MTDH: variants seen among roughly 807,000 people sequenced by gnomAD.
The protein encoded by MTDH is protein LYRIC.
In MTDH, 34 loss-of-function variants were observed where a neutral mutation model predicts 72.7. The ratio of observed to expected loss-of-function variants is 0.47; its 90% CI spans 0.36 to 0.62. The LOEUF (loss-of-function observed/expected upper bound fraction) is 0.62, where lower values mean the gene tolerates loss of function less well. MTDH is among the 20% of genes least tolerant of loss of function. The pLI is 0.00. For missense variants in MTDH, 677 were observed against 699.4 expected (o/e 0.97, Z 0.36); for synonymous variants, 266 against 268.9 (o/e 0.99, Z 0.10).
chr8:97,673,370 A>T (rs1420577858), intron 2 of MTDH, among the ~76,000 whole-genome samples: 2 of 152,090 alleles, frequency 1.3e-5, no homozygotes, highest in African/African-American at 4.8e-5. Flanking sequence ...AAAAATTTTT[A>T]AATTTAGGCC....
At chr8:97,704,462 G>A (rs1345821331) in intron 7 of MTDH, among the ~76,000 whole-genome samples, 1 of 152,052 alleles carries the variant, frequency 6.6e-6, no homozygotes, top group Admixed American at 6.6e-5. Flanking sequence ...TTAAAAATTA[G>A]CCAGGCATGG....
At chr8:97,684,825 T>G (rs1205878663) in intron 2 of MTDH, among the ~76,000 whole-genome samples, 1 of 152,208 alleles carries the variant, frequency 6.6e-6, no homozygotes, top group Non-Finnish European at 1.5e-5. Context: ...ATCCCAACAC[T>G]TTGGGAGGCC....
intron 10 of MTDH, 112 bp downstream of exon 10, chr8:97,719,301 T>C (rs1283947160): frequency 1.8e-6 from 2 of 1,094,012 alleles, no homozygotes; most frequent in Non-Finnish European, 2.6e-6. Context: ...AAGAGCAGCC[T>C]GGCCAACATA....
chr8:97,698,951 C>T (rs1813987451), intron 6 of MTDH, among the ~76,000 whole-genome samples: 1 of 151,928 alleles, frequency 6.6e-6, no homozygotes, highest in South Asian at 2.1e-4. Context: ...CCAGCCTGGG[C>T]AACACAGGGA....
At chr8:97,674,433 G>T (rs1812762149) in intron 2 of MTDH, among the ~76,000 whole-genome samples, 1 of 152,144 alleles carries the variant, frequency 6.6e-6, no homozygotes, top group Admixed American at 6.6e-5. Context: ...AGAACTGCTG[G>T]TATAGGCAAA....
At chr8:97,660,880 A>ATT in intron 1 of MTDH, among the ~76,000 whole-genome samples, 192 bp from the exon 2 acceptor site, 1 of 141,142 alleles carries the variant, frequency 7.1e-6, no homozygotes, top group Non-Finnish European at 1.5e-5. Flanking sequence ...TTGCTTATGA[A>ATT]TTTTATATAT....
At chr8:97,651,015 A>G (rs1024464001) in intron 1 of MTDH, among the ~76,000 whole-genome samples, 11 of 152,236 alleles carry the variant, frequency 7.2e-5, no homozygotes, top group African/African-American at 2.7e-4. Flanking sequence ...ACGCATTACT[A>G]GTGGTCACAC....
intron 6 of MTDH, chr8:97,696,264 C>T (rs184472116): frequency 5.1e-6 from 5 of 985,302 alleles, no homozygotes; most frequent in East Asian, 1.1e-4. Flanking sequence ...GCTTCTTTTG[C>T]ATCTCTCACA....
chr8:97,659,736 T>C (rs960879493), intron 1 of MTDH, among the ~76,000 whole-genome samples: 1 of 152,190 alleles, frequency 6.6e-6, no homozygotes, highest in Non-Finnish European at 1.5e-5. Context: ...ACTAACATGT[T>C]GAATTTGAGG....
At chr8:97,717,081 CAAAACTTTGA>C (rs1482759903) in intron 9 of MTDH, among the ~76,000 whole-genome samples, 1 of 152,146 alleles carries the variant, frequency 6.6e-6, no homozygotes, top group East Asian at 1.9e-4. Flanking sequence ...TGTAAGATTG[CAAAACTTTGA>C]AAAACTTTGT....
At chr8:97,675,725 A>T (rs2513370) in intron 2 of MTDH, among the ~76,000 whole-genome samples, 26,449 of 151,606 alleles carry the variant, frequency 0.17, 3,462 homozygotes, top group African/African-American at 0.34. Flanking sequence ...TACAAAAATT[A>T]GCCTGGTGTG....
intron 11 of MTDH, among the ~76,000 whole-genome samples, chr8:97,724,086 G>A (rs1815260271): frequency 6.6e-6 from 1 of 152,220 alleles, no homozygotes; most frequent in Non-Finnish European, 1.5e-5. Context: ...TCCAGCCTGG[G>A]TGACAGAGCA....
intron 2 of MTDH, among the ~76,000 whole-genome samples, chr8:97,673,914 G>A (rs547234368): frequency 3.3e-5 from 5 of 152,276 alleles, no homozygotes; most frequent in African/African-American, 1.2e-4. Flanking sequence ...GGCGGAGGTT[G>A]CAGTGAACCA....
intron 6 of MTDH, among the ~76,000 whole-genome samples, chr8:97,691,545 G>C (rs550026859): frequency 3.3e-5 from 5 of 152,170 alleles, no homozygotes; most frequent in Non-Finnish European, 5.9e-5. Flanking sequence ...GTAAATGGAA[G>C]TACAGTTGAT....
At chr8:97,691,237 T>A (rs546026132) in intron 6 of MTDH, 49 bp downstream of exon 6, 144 of 1,320,410 alleles carry the variant, frequency 1.1e-4, no homozygotes, top group Non-Finnish European at 1.3e-4. Context: ...ACTAATCTTG[T>A]ACATTTTTAA....
intron 8 of MTDH, among the ~76,000 whole-genome samples, chr8:97,712,722 A>G (rs897639042): frequency 1.3e-5 from 2 of 152,180 alleles, no homozygotes; most frequent in African/African-American, 4.8e-5. Context: ...AGCAGTTCTG[A>G]TAGGTGTACA....
chr8:97,715,309 G>T (rs1258083095), intron 9 of MTDH, among the ~76,000 whole-genome samples: 1 of 151,572 alleles, frequency 6.6e-6, no homozygotes, highest in Non-Finnish European at 1.5e-5. Context: ...TGCATTTTTA[G>T]TAGAGAGGGG....
chr8:97,728,190 A>G lies in MTDH; in HGVS notation c.*3520A>G, dbSNP rs1173027598. The G allele has an allele frequency of 6.6e-6, 1 of 152,250 alleles. No homozygotes were observed. Among genetic ancestry groups the G allele is most frequent in the East Asian group, 1.9e-4 (1 of 5,208 alleles). The allele number at this position is 152,250 out of a possible 1,614,324, so 9.4% of individuals were successfully genotyped here. A position where few individuals can be genotyped will look rare whatever the true frequency, so the allele number is the denominator to read the frequency against. On this transcript the variant is annotated 3_prime_UTR_variant, in exon 12 of 12. Coordinates refer to ENST00000336273, the MANE Select transcript of MTDH (RefSeq NM_178812.4). ...ACTGCACAAACTGGAATTACTTTCCAAAAGACTTAGGGAATGCAAATATGT... is the reference window on the plus strand; with the variant it reads ...ACTGCACAAACTGGAATTACTTTCCGAAAGACTTAGGGAATGCAAATATGT...
chr8:97,702,563 G>A (rs1194680873), intron 7 of MTDH, among the ~76,000 whole-genome samples: 1 of 152,090 alleles, frequency 6.6e-6, no homozygotes, highest in African/African-American at 2.4e-5. Context: ...TAACCAATGT[G>A]GTTAACTAAC....
Sources: gnomAD v4.1 joint callset for allele counts (sites outside exome capture counted in the v4.1 genomes callset) on GRCh38, gnomAD v4.1.1 for gene constraint, MANE v1.5 for transcripts, NCBI Gene and HGNC (gene_info 2026-07-23, HGNC 2026-07-21) for gene names.